Variants in NLGN1 observed in about 807,000 individuals in gnomAD.
The protein encoded by NLGN1 is neuroligin 1, also known as neuroligin-1.
In NLGN1, 12 loss-of-function variants were observed where a neutral mutation model predicts 65.5. That is an observed-to-expected ratio of 0.18 (90% CI 0.12 to 0.30). The LOEUF (loss-of-function observed/expected upper bound fraction) is 0.30, where lower values mean the gene tolerates loss of function less well. NLGN1 is among the 10% of genes least tolerant of loss of function. The pLI is 1.00. For synonymous variants in NLGN1, 350 were observed against 359.5 expected (o/e 0.97, Z 0.30); for missense variants, 750 against 1,007.1 (o/e 0.74, Z 3.46).
chr3:173,782,220 A>G (rs897099265), intron 3 of NLGN1, among the ~76,000 whole-genome samples: 1 of 152,146 alleles, frequency 6.6e-6, no homozygotes, highest in Non-Finnish European at 1.5e-5. Context: ...TGAAAGAGCT[A>G]AGCAGGGAAA....
chr3:173,646,203 A>C (rs1284208889), intron 3 of NLGN1, among the ~76,000 whole-genome samples: 1 of 152,206 alleles, frequency 6.6e-6, no homozygotes, highest in Non-Finnish European at 1.5e-5. Context: ...CCTCCAAAAA[A>C]AAAATTATCA....
intron 1 of NLGN1, among the ~76,000 whole-genome samples, chr3:173,403,777 G>GT (rs1300089122): frequency 2.6e-5 from 4 of 152,156 alleles, no homozygotes; most frequent in Non-Finnish European, 5.9e-5. Context: ...TTATTCTGGA[G>GT]TTTTTTTAAA....
intron 2 of NLGN1, among the ~76,000 whole-genome samples, chr3:173,445,033 C>T (rs1719926951): frequency 6.6e-6 from 1 of 151,064 alleles, no homozygotes; most frequent in Non-Finnish European, 1.5e-5. Context: ...CTTTGGGAGG[C>T]CGAGGCGGGC....
intron 4 of NLGN1, among the ~76,000 whole-genome samples, chr3:173,867,015 A>G (rs982994164): frequency 6.6e-6 from 1 of 152,226 alleles, no homozygotes; most frequent in Admixed American, 6.5e-5. Context: ...TAAAACAGCC[A>G]TAAACGGCAT....
intron 3 of NLGN1, among the ~76,000 whole-genome samples, chr3:173,749,037 TG>T (rs1775948497): frequency 1.3e-5 from 2 of 152,124 alleles, no homozygotes. Flanking sequence ...TGCATGCTTA[TG>T]TCTCATTTGC....
intron 3 of NLGN1, among the ~76,000 whole-genome samples, chr3:173,735,601 A>T (rs1035304247): frequency 2.0e-5 from 3 of 152,072 alleles, no homozygotes; most frequent in African/African-American, 7.2e-5. Flanking sequence ...TACCAGGCCA[A>T]CTCTTCTGTC....
intron 4 of NLGN1, among the ~76,000 whole-genome samples, chr3:174,233,791 ACT>A (rs1357479091): frequency 2.6e-5 from 4 of 152,260 alleles, no homozygotes; most frequent in Admixed American, 2.0e-4. Flanking sequence ...GAACTAGTTC[ACT>A]GAAGGCATAT....
At chr3:173,799,641 A>G (rs970575093) in intron 3 of NLGN1, among the ~76,000 whole-genome samples, 3 of 152,032 alleles carry the variant, frequency 2.0e-5, no homozygotes, top group African/African-American at 7.2e-5. Flanking sequence ...GAGACTATTT[A>G]GTGATACATT....
intron 4 of NLGN1, among the ~76,000 whole-genome samples, chr3:174,003,456 A>G (rs554739920): frequency 6.6e-6 from 1 of 152,312 alleles, no homozygotes; most frequent in East Asian, 1.9e-4. Flanking sequence ...TTGTACACAC[A>G]TTAAAATTTA....
chr3:173,910,153 T>G (rs576530910), intron 4 of NLGN1, among the ~76,000 whole-genome samples: 1 of 152,310 alleles, frequency 6.6e-6, no homozygotes, highest in East Asian at 1.9e-4. Context: ...TGGTAGAAGT[T>G]TCAGAGGATG....
chr3:174,242,095 G>T (rs548234795), intron 4 of NLGN1, among the ~76,000 whole-genome samples: 4 of 152,266 alleles, frequency 2.6e-5, no homozygotes, highest in African/African-American at 9.6e-5. Flanking sequence ...GAGAATCTGG[G>T]TTCAAATTAA....
chr3:173,940,740 T>A (rs974934442), intron 4 of NLGN1, among the ~76,000 whole-genome samples: 1 of 152,164 alleles, frequency 6.6e-6, no homozygotes, highest in Non-Finnish European at 1.5e-5. Context: ...TGCCTTACAA[T>A]TTCTCCCCCA....
At chr3:174,012,258 C>T (rs1368595347) in intron 4 of NLGN1, among the ~76,000 whole-genome samples, 1 of 152,276 alleles carries the variant, frequency 6.6e-6, no homozygotes, top group South Asian at 2.1e-4. Context: ...TTCACCTGGC[C>T]CTATACATTG....
At chr3:174,193,259 C>A (rs376266678) in intron 4 of NLGN1, among the ~76,000 whole-genome samples, 1 of 152,148 alleles carries the variant, frequency 6.6e-6, no homozygotes, top group Non-Finnish European at 1.5e-5. Flanking sequence ...TAATGCCTTG[C>A]GACTGCTTCC....
At chr3:174,067,103 A>G (rs1366342359) in intron 4 of NLGN1, among the ~76,000 whole-genome samples, 1 of 152,134 alleles carries the variant, frequency 6.6e-6, no homozygotes, top group Non-Finnish European at 1.5e-5. Flanking sequence ...CCTTCAGATA[A>G]AGAAAAAAAT....
At chr3:173,779,959 T>C (rs1363552324) in intron 3 of NLGN1, among the ~76,000 whole-genome samples, 1 of 152,186 alleles carries the variant, frequency 6.6e-6, no homozygotes, top group Non-Finnish European at 1.5e-5. Flanking sequence ...TTTTTCCAAT[T>C]TTGTCAGTTG....
intron 4 of NLGN1, among the ~76,000 whole-genome samples, chr3:173,845,994 G>A (rs1725721227): frequency 6.6e-6 from 1 of 151,886 alleles, no homozygotes; most frequent in South Asian, 2.1e-4. Flanking sequence ...ATGTTGCCCA[G>A]GCTGGTCAGC....
chr3:173,764,489 A>G (rs931051920), intron 3 of NLGN1, among the ~76,000 whole-genome samples: 2 of 152,178 alleles, frequency 1.3e-5, no homozygotes, highest in East Asian at 1.9e-4. Flanking sequence ...AAGGTCTGCC[A>G]TGTGGAAGAG....
At position 173,692,467 on chromosome 3, in the gene NLGN1, G is replaced by A. The variant is rs116581821; in HGVS notation, c.493+87376G>A. Among the ~76,000 whole-genome samples the A allele has an allele frequency of 1.6e-3, 249 of 152,184 alleles. 1 individual carries two copies. The highest frequency in any genetic ancestry group is 0.01 in the Middle Eastern group (3 of 294). ...CGCGATATAATAAAGCAAATAATCAGTTATGTCTTTGAACATAGAAAATAC... is the reference window on the plus strand; with the variant it reads ...CGCGATATAATAAAGCAAATAATCAATTATGTCTTTGAACATAGAAAATAC... On this transcript the variant is annotated intron_variant, in intron 3 of 6. Coordinates refer to ENST00000457714, the Ensembl canonical transcript of NLGN1.
Sources: gnomAD v4.1 joint callset for allele counts (sites outside exome capture counted in the v4.1 genomes callset) on GRCh38, gnomAD v4.1.1 for gene constraint, MANE v1.5 for transcripts, NCBI Gene and HGNC (gene_info 2026-07-23, HGNC 2026-07-21) for gene names.